Variants in EPS15 observed in about 807,000 individuals in gnomAD.
EPS15 encodes the protein epidermal growth factor receptor pathway substrate 15.
A neutral mutation model predicts 113.8 loss-of-function variants in EPS15; 72 were observed. The observed-to-expected ratio is 0.63, with a 90% CI of 0.52 to 0.77. The LOEUF is 0.77. Ranked by LOEUF, EPS15 falls within the 30% of genes least tolerant of loss-of-function variation. The pLI, the probability that EPS15 is intolerant of heterozygous loss-of-function variation, is 0.00. For synonymous variants in EPS15, 344 were observed against 363.4 expected (o/e 0.95, Z 0.61); for missense variants, 1,048 against 1,045.8 (o/e 1.00, Z -0.03).
intron 1 of EPS15, among the ~76,000 whole-genome samples, chr1:51,511,312 G>A (rs1381246778): frequency 2.6e-5 from 4 of 151,766 alleles, no homozygotes; most frequent in East Asian, 1.9e-4. Flanking sequence ...TGGAAAACAT[G>A]GTGAAATCCA....
intron 8 of EPS15, among the ~76,000 whole-genome samples, chr1:51,449,296 G>C (rs1056834315): frequency 6.6e-6 from 1 of 152,062 alleles, no homozygotes; most frequent in African/African-American, 2.4e-5. Flanking sequence ...CAGCAAAATG[G>C]ATACAGCTGG....
intron 13 of EPS15, among the ~76,000 whole-genome samples, chr1:51,421,086 A>C (rs1226344603): frequency 4.7e-5 from 7 of 149,994 alleles, no homozygotes; most frequent in Admixed American, 4.6e-4. Context: ...TACTGCTCTA[A>C]GTGAGGCACT....
intron 22 of EPS15, 85 bp downstream of exon 22, chr1:51,365,868 G>T: frequency 2.4e-6 from 2 of 819,270 alleles, no homozygotes; most frequent in Non-Finnish European, 1.9e-6. Flanking sequence ...GCAACTTTGT[G>T]AGAGGACTAT....
Position 51,406,032 on chromosome 1 carries a change from C to T in EPS15, c.1550G>A (p.Ser517Asn), listed in dbSNP as rs1186582403. ...ATCTGTAGCTCCGTTTACAAGAATG[C>T]TGTGTGGGCTACTGCACCAATTTAA... ...SQLNWCSSPHSILVNGATDYC... is the reference protein window; with the variant it reads ...SQLNWCSSPHNILVNGATDYC... Residue 517 changes from serine (S) to asparagine (N), a missense_variant, in exon 16 of 25, where the codon AGC (serine) becomes AAC (asparagine). Coordinates refer to ENST00000371733, the MANE Select transcript of EPS15 (RefSeq NM_001981.3). 1.2e-6 allele frequency: 2 copies of T among 1,614,150 alleles called. No individual in the cohort carries two copies. Among genetic ancestry groups the T allele is most frequent in the Admixed American group, 1.7e-5 (1 of 60,024 alleles).
chr1:51,504,601 T>C (rs1353232997), intron 1 of EPS15, among the ~76,000 whole-genome samples: 1 of 149,688 alleles, frequency 6.7e-6, no homozygotes, highest in Non-Finnish European at 1.5e-5. Flanking sequence ...AGGCAAAGAA[T>C]ATAAATAGAC....
intron 1 of EPS15, among the ~76,000 whole-genome samples, chr1:51,483,076 A>T (rs1644050726): frequency 6.6e-6 from 1 of 152,164 alleles, no homozygotes; most frequent in African/African-American, 2.4e-5. Context: ...AAGTAGCATG[A>T]TGAAATCTCA....
chr1:51,513,824 T>A (rs2148569478), intron 1 of EPS15, among the ~76,000 whole-genome samples: 1 of 152,336 alleles, frequency 6.6e-6, no homozygotes, highest in Admixed American at 6.5e-5. Context: ...ATTATTATCA[T>A]TCCTCTAATC....
intron 13 of EPS15, among the ~76,000 whole-genome samples, chr1:51,420,543 T>C (rs1650657413): frequency 6.6e-6 from 1 of 152,170 alleles, no homozygotes; most frequent in Non-Finnish European, 1.5e-5. Context: ...TTTTTAGTAA[T>C]AACTGCTTAG....
At chr1:51,516,974 TGG>T (rs1644730767) in intron 1 of EPS15, among the ~76,000 whole-genome samples, 1 of 151,866 alleles carries the variant, frequency 6.6e-6, no homozygotes, top group African/African-American at 2.4e-5. Flanking sequence ...GTGGGCAGGG[TGG>T]GGGGAACAGA....
intron 1 of EPS15, among the ~76,000 whole-genome samples, chr1:51,489,353 C>T (rs1387565239): frequency 6.8e-6 from 1 of 147,518 alleles, no homozygotes; most frequent in East Asian, 2.0e-4. Flanking sequence ...ATGGCGTCTC[C>T]CTCCGTCACC....
intron 21 of EPS15, among the ~76,000 whole-genome samples, chr1:51,371,058 G>T (rs1186454397): frequency 1.3e-5 from 2 of 151,582 alleles, no homozygotes; most frequent in East Asian, 3.9e-4. Flanking sequence ...TGCATTACAG[G>T]TGTATGCCAC....
At chr1:51,464,296 G>A (rs2148503503) in intron 6 of EPS15, among the ~76,000 whole-genome samples, 1 of 149,718 alleles carries the variant, frequency 6.7e-6, no homozygotes, top group East Asian at 2.0e-4. Context: ...CTGGAGTGCA[G>A]TGGCACAATC....
intron 12 of EPS15, among the ~76,000 whole-genome samples, chr1:51,424,133 A>G (rs1392876605): frequency 6.6e-6 from 1 of 152,112 alleles, no homozygotes; most frequent in Non-Finnish European, 1.5e-5. Flanking sequence ...ACCAAGTAGT[A>G]TAACATATAT....
At chr1:51,464,450 C>G (rs978631461) in intron 6 of EPS15, among the ~76,000 whole-genome samples, 2 of 152,032 alleles carry the variant, frequency 1.3e-5, no homozygotes, top group African/African-American at 4.8e-5. Context: ...CTATGTTGGC[C>G]AGGCTGGTCT....
At position 51,409,671 on chromosome 1, in the gene EPS15, T is replaced by C. The variant is rs1201435319; in HGVS notation, c.1139A>G (p.Glu380Gly). The change falls in exon 14 of 25, where the codon GAG becomes GGG. Residue 380 changes from glutamate (E) to glycine (G), a missense_variant. Physicochemically the swap from Glu to Gly is moderately conservative, Grantham distance 98. Coordinates refer to ENST00000371733, the MANE Select transcript of EPS15 (RefSeq NM_001981.3). ...VQDLQDEVQR[E>G]NTNLQKLQAQ... is the part of the protein sequence containing the mutation. ...CTGTAGTTTTTGCAGATTAGTATTCTCCCTTTGAACTTCATCTTGAAGATC... is the reference window on the plus strand; with the variant it reads ...CTGTAGTTTTTGCAGATTAGTATTCCCCCTTTGAACTTCATCTTGAAGATC... The C allele has an allele frequency of 1.2e-6, 2 of 1,611,496 alleles. No individual in the cohort carries two copies.
At chr1:51,497,196 T>C (rs1311435329) in intron 1 of EPS15, among the ~76,000 whole-genome samples, 1 of 152,242 alleles carries the variant, frequency 6.6e-6, no homozygotes, top group Admixed American at 6.5e-5. Flanking sequence ...TGATGAATAT[T>C]TCTATGTACT....
chr1:51,367,677 T>C (rs747111115), intron 21 of EPS15, among the ~76,000 whole-genome samples: 2 of 152,238 alleles, frequency 1.3e-5, no homozygotes, highest in Admixed American at 6.5e-5. Context: ...TACTCTGAGA[T>C]AGGCTTCACC....
chr1:51,396,758 T>G (rs1197020049), intron 20 of EPS15, among the ~76,000 whole-genome samples: 2 of 152,186 alleles, frequency 1.3e-5, no homozygotes, highest in Admixed American at 6.5e-5. Context: ...TATGTCAGTT[T>G]GATAATTGGG....
rs71063028 is a variant in EPS15 at position 51,358,709 on chromosome 1, GT to G, written c.2545-1864del. On this transcript the variant is annotated intron_variant, in intron 24 of 24. Coordinates refer to ENST00000371733, the MANE Select transcript of EPS15 (RefSeq NM_001981.3). The stretch of plus-strand genomic sequence containing the variant: ...CTTCCAACCAGATTTGTTTTTTTTT[GT>G]TTTTTTTTTTTTTTTTGAGGCGGAG... Among the ~76,000 whole-genome samples the G allele has an allele frequency of 7.6e-3, 919 of 121,340 alleles. 6 individuals carry two copies. Among genetic ancestry groups the G allele is most frequent in the East Asian group, 0.047 (207 of 4,394 alleles). 79.6% of individuals were successfully genotyped at this position (121,340 alleles called of 152,430 possible).
Sources: gnomAD v4.1 joint callset for allele counts (sites outside exome capture counted in the v4.1 genomes callset) on GRCh38, gnomAD v4.1.1 for gene constraint, MANE v1.5 for transcripts, NCBI Gene and HGNC (gene_info 2026-07-23, HGNC 2026-07-21) for gene names.